Variants in ZDHHC13 observed in about 807,000 individuals in gnomAD.
ZDHHC13 encodes the protein palmitoyltransferase ZDHHC13.
In ZDHHC13, 85 loss-of-function variants were observed where a neutral mutation model predicts 86.0. That is an observed-to-expected ratio of 0.99 (90% CI 0.83 to 1.18). The LOEUF is 1.18. Ranked by LOEUF, ZDHHC13 falls within the 50% of genes most tolerant of loss-of-function variation. The pLI, the probability that ZDHHC13 is intolerant of heterozygous loss-of-function variation, is 0.00. For synonymous variants in ZDHHC13, 263 were observed against 246.4 expected (o/e 1.07, Z -0.63); for missense variants, 711 against 730.2 (o/e 0.97, Z 0.30).
intron 5 of ZDHHC13, among the ~76,000 whole-genome samples, chr11:19,149,936 T>C (rs942327596): frequency 9.9e-5 from 15 of 152,244 alleles, no homozygotes; most frequent in Non-Finnish European, 2.2e-4. Context: ...TTGGAATGAT[T>C]GTGCTCCCTT....
intron 10 of ZDHHC13, among the ~76,000 whole-genome samples, chr11:19,162,686 C>G (rs1849944286): frequency 1.3e-5 from 2 of 152,038 alleles, no homozygotes; most frequent in African/African-American, 4.8e-5. Context: ...GTAAGTTAAT[C>G]AAAATAGGAG....
rs200413197 is a variant in ZDHHC13 at position 19,143,123 on chromosome 11, A to G, written c.173A>G (p.Gln58Arg). The G allele has an allele frequency of 2.7e-5, 44 of 1,610,410 alleles. No homozygotes were observed. Among genetic ancestry groups the G allele is most frequent in the Non-Finnish European group, 1.7e-6 (2 of 1,178,008 alleles). The change falls in exon 2 of 17, where the codon CAA (glutamine) becomes CGA (arginine). Residue 58 changes from glutamine to arginine, a missense_variant and splice_region_variant. By Grantham distance (43) the Gln-to-Arg change is conservative. Transcript: ENST00000446113. ...AACTGTGACATTGTCAAAGCTACTCAGTAAGTCTTCCAAATGCTTTGGTTT... is the reference window on the plus strand; with the variant it reads ...AACTGTGACATTGTCAAAGCTACTCGGTAAGTCTTCCAAATGCTTTGGTTT... ...SSNCDIVKAT[Q>R]YGIFERCKEL...
At chr11:19,175,384 C>T (rs543179125) in intron 16 of ZDHHC13, among the ~76,000 whole-genome samples, 245 of 10,646 alleles carry the variant, frequency 0.023, 2 homozygotes, top group African/African-American at 0.053. Flanking sequence ...AGCGAGACTC[C>T]GTCTCAAAAA....
At chr11:19,172,689 T>G (rs371837753) in intron 15 of ZDHHC13, 34 bp from the exon 16 acceptor site, 1 of 1,506,638 alleles carries the variant, frequency 6.6e-7, no homozygotes, top group African/African-American at 1.4e-5. Flanking sequence ...AGTTGCACAC[T>G]GAATGTGTGC....
intron 1 of ZDHHC13, among the ~76,000 whole-genome samples, chr11:19,119,970 A>G (rs992023866): frequency 6.6e-6 from 1 of 152,238 alleles, no homozygotes; most frequent in Admixed American, 6.5e-5. Context: ...ATCTGGCAGG[A>G]TAATGCCTGT....
chr11:19,156,978 C>G (rs560099238), intron 9 of ZDHHC13, among the ~76,000 whole-genome samples: 1 of 152,366 alleles, frequency 6.6e-6, no homozygotes, highest in African/African-American at 2.4e-5. Flanking sequence ...GCGACTTCCT[C>G]TCTTTCCCTT....
Position 19,130,850 on chromosome 11 carries a change from GTT to G in ZDHHC13, c.28-12116_28-12115del, listed in dbSNP as rs796273895. ...TGATTTTTCCAGACTGGTTTTTTTT[GTT>G]TTTTTTTTTTTGAAAGGGAATTTCG... On this transcript the variant is annotated intron_variant, in intron 1 of 16. Transcript: ENST00000446113. Among the ~76,000 whole-genome samples, 466 of 138,936 alleles carry G rather than the reference GTT, an allele frequency of 3.4e-3. 1 individual carries two copies. Among genetic ancestry groups the G allele is most frequent in the African/African-American group, 0.011 (435 of 38,306 alleles). 91.1% of individuals were successfully genotyped at this position (138,936 alleles called of 152,430 possible).
intron 3 of ZDHHC13, 44 bp from the exon 4 acceptor site, chr11:19,147,552 C>T: frequency 6.7e-7 from 1 of 1,499,470 alleles, no homozygotes; most frequent in East Asian, 2.4e-5. Flanking sequence ...CAATATGAAG[C>T]TTAAGTTTCA....
intron 1 of ZDHHC13, among the ~76,000 whole-genome samples, chr11:19,138,089 CAA>C: frequency 6.6e-6 from 1 of 150,980 alleles, no homozygotes; most frequent in African/African-American, 2.4e-5. Context: ...AATAGAGACA[CAA>C]AAAAACCCTT....
rs1241254654 is a variant in ZDHHC13, at chr11:19,156,365, A to C, written c.1007+436A>C. Among the ~76,000 whole-genome samples the C allele has an allele frequency of 2.6e-5, 4 of 152,154 alleles. No individual in the cohort carries two copies. The East Asian group carries it at 7.7e-4, about 29-fold the overall frequency. ...TTGAGTTAAATTGTGAGAGATTATAAAATAGTAAATATGGTATGGTTTTAT... is the reference window on the plus strand; with the variant it reads ...TTGAGTTAAATTGTGAGAGATTATACAATAGTAAATATGGTATGGTTTTAT... On this transcript the variant is annotated intron_variant, in intron 9 of 16. Transcript: ENST00000446113.
intron 1 of ZDHHC13, among the ~76,000 whole-genome samples, chr11:19,120,710 T>A (rs1848743407): frequency 6.6e-6 from 1 of 152,264 alleles, no homozygotes; most frequent in African/African-American, 2.4e-5. Context: ...GACAGTGAGC[T>A]AGCTACATAT....
chr11:19,141,066 T>C (rs191622123), intron 1 of ZDHHC13, among the ~76,000 whole-genome samples: 1 of 150,134 alleles, frequency 6.7e-6, no homozygotes, highest in Admixed American at 6.6e-5. Context: ...TAAAGTAGTA[T>C]AATAATAAAA....
intron 16 of ZDHHC13, among the ~76,000 whole-genome samples, chr11:19,173,049 A>T (rs1240208777): frequency 1.3e-5 from 2 of 152,214 alleles, no homozygotes; most frequent in Non-Finnish European, 2.9e-5. Flanking sequence ...CACAAATAGT[A>T]AGTGACTTTG....
chr11:19,147,782 C>CCCT (rs1554963641), intron 4 of ZDHHC13, 109 bp downstream of exon 4: 2 of 728,606 alleles, frequency 2.7e-6, no homozygotes, highest in Non-Finnish European at 4.0e-6. Context: ...TCCCCCCCCC[C>CCCT]CTTTATTTAA....
chr11:19,125,867 A>T (rs1848862505), intron 1 of ZDHHC13, among the ~76,000 whole-genome samples: 2 of 152,124 alleles, frequency 1.3e-5, no homozygotes, highest in African/African-American at 4.8e-5. Context: ...CCATTATATG[A>T]CATTCTGGGA....
At chr11:19,164,222 A>G in intron 11 of ZDHHC13, 79 bp from the exon 12 acceptor site, 4 of 1,424,398 alleles carry the variant, frequency 2.8e-6, no homozygotes, top group South Asian at 1.3e-5. Context: ...TGGAGCGAGA[A>G]CTGTGAGAAT....
chr11:19,134,879 A>T (rs556494888), intron 1 of ZDHHC13, among the ~76,000 whole-genome samples: 11 of 152,272 alleles, frequency 7.2e-5, no homozygotes, highest in Non-Finnish European at 1.5e-4. Context: ...AAAAGAAAAA[A>T]ATATTATCTG....
At position 19,166,369 on chromosome 11, in the gene ZDHHC13, A is replaced by G; in HGVS notation, c.1458A>G (p.Ile486Met). ...TTTCCATGGTATGTGGCTGGATTAT[A>G]TATGGATCTTTCATCTGTAAGTGTA... Reference protein sequence around the residue: ...FFLSMVCGWIIYGSFIYLSSH... With the variant: ...FFLSMVCGWIMYGSFIYLSSH... Residue 486 changes from isoleucine to methionine, a missense_variant, in exon 14 of 17, where the codon ATA becomes ATG. Coordinates refer to ENST00000446113, the MANE Select transcript of ZDHHC13 (RefSeq NM_019028.3). 1.2e-6 allele frequency: 2 copies of G among 1,612,068 alleles called. No individual in the cohort carries two copies. Among genetic ancestry groups the G allele is most frequent in the Non-Finnish European group, 1.7e-6 (2 of 1,179,156 alleles).
intron 3 of ZDHHC13, 117 bp downstream of exon 3, chr11:19,146,420 C>A (rs537608563): frequency 1.6e-6 from 2 of 1,234,420 alleles, no homozygotes; most frequent in Non-Finnish European, 2.1e-6. Flanking sequence ...AAAGAACACC[C>A]GAAACTTTTT....
Sources: allele counts gnomAD v4.1 joint callset (sites outside exome capture counted in the v4.1 genomes callset), GRCh38; gene constraint gnomAD v4.1.1; transcripts MANE v1.5; gene names NCBI Gene and HGNC (gene_info 2026-07-23, HGNC 2026-07-21).